Variants in FOLR2 observed in about 807,000 individuals in gnomAD.
FOLR2 encodes the protein folate receptor 2 (fetal).
FOLR2 carries 14 observed loss-of-function variants against 20.4 expected under a neutral mutation model. The ratio of observed to expected loss-of-function variants is 0.68; its 90% confidence interval spans 0.45 to 1.07. The LOEUF is 1.07. Ranked by LOEUF, FOLR2 falls within the 50% of genes least tolerant of loss-of-function variation. The probability of loss-of-function intolerance (pLI) is 0.00; values close to 1 mark genes in which losing one functional copy is unlikely to be tolerated. For missense variants in FOLR2, 269 were observed against 322.6 expected, an observed-to-expected ratio of 0.83 and a Z score of 1.27; for synonymous variants, 114 against 114.3, an observed-to-expected ratio of 1.00 and a Z score of 0.02.
chr11:72,218,807 G>A, intron 2 of FOLR2, 73 bp downstream of exon 2: 1 of 1,297,772 alleles, frequency 7.7e-7, no homozygotes, highest in South Asian at 1.3e-5. Flanking sequence ...GATGGTGGGA[G>A]AGGGATTGAG....
Position 72,221,633 on chromosome 11 carries a change from C to A in FOLR2, c.639C>A (p.Gly213=), listed in dbSNP as rs751473548. ...CIQMWFDSAQ[G]NPNEEVARFY... is the part of the protein sequence containing the mutation. ...AGATGTGGTTTGATTCAGCCCAGGG[C>A]AACCCCAACGAGGAAGTGGCGAGGT... Residue 213 remains glycine (G), a synonymous_variant, in exon 5 of 5, where the codon GGC becomes GGA. Transcript: ENST00000298223. 8.1e-6 allele frequency: 13 copies of A among 1,614,090 alleles called. No individual in the cohort carries two copies. In the East Asian group the frequency reaches 2.2e-4, roughly 28 times the overall value.
Position 72,221,067 on chromosome 11 carries a change from T to TCGGGGGGGGGCG in FOLR2, c.339+10_339+11insGGGGGGGGGCGC. On this transcript the variant is annotated intron_variant, in intron 3 of 4. Transcript: ENST00000298223. ...GGCCCTGGATCCAGCAGGTAGGGTG[T>TCGGGGGGGGGCG]CTCCCCCCCACCCACCCCAGCAGAC... The TCGGGGGGGGGCG allele has an allele frequency of 2.5e-6, 4 of 1,570,098 alleles. No individual in the cohort carries two copies. The highest frequency in any genetic ancestry group is 3.5e-6 in the Non-Finnish European group (4 of 1,154,894).
Position 72,221,880 on chromosome 11 carries a change from C to A in FOLR2, c.*118C>A, listed in dbSNP as rs2135405666. ...TATTAGTCACCTAACCCTCTGTCAC[C>A]CAGTCTGTTGCTGCTCCATGGTGGG... On this transcript the variant is annotated 3_prime_UTR_variant, in exon 5 of 5. Transcript: ENST00000298223. The A allele has an allele frequency of 1.1e-6, 1 of 935,902 alleles. No individual in the cohort carries two copies. The highest frequency in any genetic ancestry group is 1.6e-6 in the Non-Finnish European group (1 of 629,510). 58.0% of individuals were successfully genotyped at this position (935,902 alleles called of 1,614,324 possible). A position where few individuals can be genotyped will look rare whatever the true frequency, so the allele number is the denominator to read the frequency against.
In FOLR2 at chr11:72,221,258, A is replaced by T. The variant is rs1386887147; in HGVS notation, c.422A>T (p.His141Leu). ...EDCQRWWEDC[H>L]TSHTCKSNWH... ...TGTCAGCGCTGGTGGGAGGATTGTCACACCTCCCACACGTGCAAGAGCAAC... is the reference window on the plus strand; with the variant it reads ...TGTCAGCGCTGGTGGGAGGATTGTCTCACCTCCCACACGTGCAAGAGCAAC... Residue 141 changes from histidine to leucine, a missense_variant, in exon 4 of 5, where the codon CAC becomes CTC. Physicochemically the swap from His to Leu is moderately conservative, Grantham distance 99 (BLOSUM62 -3). Coordinates refer to ENST00000298223, the MANE Select transcript of FOLR2 (RefSeq NM_000803.5). 6.2e-7 allele frequency: 1 copy of T among 1,613,932 alleles called. No homozygotes were observed. The highest frequency in any genetic ancestry group is 8.5e-7 in the Non-Finnish European group (1 of 1,179,892).
Position 72,221,498 on chromosome 11 carries a change from C to G in FOLR2, c.504C>G (p.Leu168=). The part of the protein sequence containing the change: ...SGVNKCPAGA[L]CRTFESYFPT... ...TTAACAAGTGCCCAGCTGGGGCTCT[C>G]TGCCGCACCTTTGAGTCCTACTTCC... Residue 168 remains leucine (L), a synonymous_variant, in exon 5 of 5, where the codon CTC becomes CTG. Coordinates refer to ENST00000298223, the MANE Select transcript of FOLR2 (RefSeq NM_000803.5). 1 of 1,613,982 alleles carries G rather than the reference C, an allele frequency of 6.2e-7. No individual in the cohort carries two copies.
At chr11:72,217,250 C>A in intron 1 of FOLR2, 2 of 642,820 alleles carry the variant, frequency 3.1e-6, no homozygotes, top group Non-Finnish European at 5.0e-6. Context: ...GTCTCGAACT[C>A]TTGACCTCAG....
At position 72,216,939 on chromosome 11, in the gene FOLR2, A is replaced by G; in HGVS notation, c.-25+14A>G. On this transcript the variant is annotated intron_variant, in intron 1 of 4. Coordinates refer to ENST00000298223, the MANE Select transcript of FOLR2 (RefSeq NM_000803.5). ...ACGGAGGTTCAGGCAAGATGCCCGAAGGAGGGAAGGGTGACAAGGGCAGTG... is the reference window on the plus strand; with the variant it reads ...ACGGAGGTTCAGGCAAGATGCCCGAGGGAGGGAAGGGTGACAAGGGCAGTG... 6.3e-7 allele frequency: 1 copy of G among 1,599,532 alleles called. No homozygotes were observed. The highest frequency in any genetic ancestry group is 8.5e-7 in the Non-Finnish European group (1 of 1,179,760).
Position 72,221,786 on chromosome 11 carries a change from C to T in FOLR2, c.*24C>T, listed in dbSNP as rs1394275002. 1 of 1,603,026 alleles carries T rather than the reference C, an allele frequency of 6.2e-7. No homozygotes were observed. Among genetic ancestry groups the T allele is most frequent in the Admixed American group, 1.7e-5 (1 of 59,390 alleles). ...GAGTTCAGTCCTCCCAGACTACCTG[C>T]CCTCAGCTTGGATAACCAGGCTGGG... On this transcript the variant is annotated 3_prime_UTR_variant, in exon 5 of 5. Coordinates refer to ENST00000298223, the MANE Select transcript of FOLR2 (RefSeq NM_000803.5).
chr11:72,218,461 A>G (rs1948428596), intron 1 of FOLR2, 100 bp from the exon 2 acceptor site: 3 of 1,042,742 alleles, frequency 2.9e-6, no homozygotes, highest in Admixed American at 4.2e-5. Flanking sequence ...ACAGGGTCTG[A>G]CCTCATTTGC....
chr11:72,221,370 T>C (rs2298444), intron 4 of FOLR2, 59 bp downstream of exon 4: 339,628 of 1,600,206 alleles, frequency 0.21, 40,465 homozygotes, highest in African/African-American at 0.44. Context: ...TTGGAAAATC[T>C]TCAAGGATTT....
In FOLR2 at chr11:72,221,871, C is replaced by A; in HGVS notation, c.*109C>A. ...GCATGCTTCTATTAGTCACCTAACCCTCTGTCACCCAGTCTGTTGCTGCTC... is the reference window on the plus strand; with the variant it reads ...GCATGCTTCTATTAGTCACCTAACCATCTGTCACCCAGTCTGTTGCTGCTC... On this transcript the variant is annotated 3_prime_UTR_variant, in exon 5 of 5. Transcript: ENST00000298223. The A allele has an allele frequency of 9.9e-7, 1 of 1,011,934 alleles. No homozygotes were observed. Among genetic ancestry groups the A allele is most frequent in the Non-Finnish European group, 1.4e-6 (1 of 695,096 alleles). 62.7% of individuals were successfully genotyped at this position (1,011,934 alleles called of 1,614,324 possible).
intron 2 of FOLR2, among the ~76,000 whole-genome samples, 156 bp downstream of exon 2, chr11:72,218,890 G>A (rs559502215): frequency 2.6e-5 from 4 of 152,314 alleles, no homozygotes; most frequent in African/African-American, 9.6e-5. Flanking sequence ...AGTGGCTGAG[G>A]TGATTTTAGG....
chr11:72,216,918 A>T lies in FOLR2; in HGVS notation c.-32A>T. 6.3e-7 allele frequency: 1 copy of T among 1,599,554 alleles called. No homozygotes were observed. The highest frequency in any genetic ancestry group is 2.2e-5 in the East Asian group (1 of 44,884). On this transcript the variant is annotated 5_prime_UTR_variant, in exon 1 of 5. Transcript: ENST00000298223. Reference sequence around the variant, plus strand: ...CCGTGTATGCTCCCAGCAGCAACGGAGGTTCAGGCAAGATGCCCGAAGGAG... The same window carrying T: ...CCGTGTATGCTCCCAGCAGCAACGGTGGTTCAGGCAAGATGCCCGAAGGAG...
rs771833528 is a variant in FOLR2 at position 72,221,297 on chromosome 11, G to A, written c.461G>A (p.Trp154Ter). 1.1e-5 allele frequency: 17 copies of A among 1,613,850 alleles called. No homozygotes were observed. Among genetic ancestry groups the A allele is most frequent in the African/African-American group, 6.7e-5 (5 of 74,940 alleles). The change falls in exon 4 of 5, where the codon TGG becomes TAG. Residue 154 changes from tryptophan (W) to a stop codon, truncating the protein, a stop_gained. Transcript: ENST00000298223. LOFTEE classifies it low-confidence loss of function (END_TRUNC). ...TGCAAGAGCAACTGGCACAGAGGATGGGACTGGACCTCAGGTGAGGGTGAT... is the reference window on the plus strand; with the variant it reads ...TGCAAGAGCAACTGGCACAGAGGATAGGACTGGACCTCAGGTGAGGGTGAT... ...HTCKSNWHRG[W>*]DWTSGVNKCP... is the part of the protein sequence containing the mutation.
rs781736761 is a variant in FOLR2 at position 72,220,979 on chromosome 11, AGCCCGCCT to A, written c.263_270del (p.Pro88GlnfsTer12). 8.1e-6 allele frequency: 13 copies of A among 1,613,978 alleles called. 1 individual carries two copies. Among genetic ancestry groups the A allele is most frequent in the Non-Finnish European group, 8.5e-7 (1 of 1,179,888 alleles). ...AACTGGGACCACTGCGGCAAGATGGAGCCCGCCTGCAAGCGCCACTTCATCCAGGACAC... is the reference window on the plus strand; with the variant it reads ...AACTGGGACCACTGCGGCAAGATGGAGCAAGCGCCACTTCATCCAGGACAC... On this transcript the variant is annotated frameshift_variant, in exon 3 of 5. Coordinates refer to ENST00000298223, the MANE Select transcript of FOLR2 (RefSeq NM_000803.5). LOFTEE classifies it high-confidence loss of function.
intron 2 of FOLR2, among the ~76,000 whole-genome samples, chr11:72,219,093 A>G (rs1341859005): frequency 6.6e-6 from 1 of 152,234 alleles, no homozygotes; most frequent in African/African-American, 2.4e-5. Flanking sequence ...GGGCCCACAC[A>G]GGAGCTGGAC....
Position 72,221,067 on chromosome 11 carries a change from T to TCGGGGGGGGGGGCGCCC in FOLR2, c.339+10_339+11insGGGGGGGGGGGCGCCCC. On this transcript the variant is annotated intron_variant, in intron 3 of 4. Coordinates refer to ENST00000298223, the MANE Select transcript of FOLR2 (RefSeq NM_000803.5). ...GGCCCTGGATCCAGCAGGTAGGGTGTCTCCCCCCCACCCACCCCAGCAGAC... is the reference window on the plus strand; with the variant it reads ...GGCCCTGGATCCAGCAGGTAGGGTGTCGGGGGGGGGGGCGCCCCTCCCCCCCACCCACCCCAGCAGAC... 1 of 1,570,114 alleles carries TCGGGGGGGGGGGCGCCC rather than the reference T, an allele frequency of 6.4e-7. No individual in the cohort carries two copies. The highest frequency in any genetic ancestry group is 8.7e-7 in the Non-Finnish European group (1 of 1,154,910).
chr11:72,218,856 A>G (rs1051146353), intron 2 of FOLR2, 122 bp downstream of exon 2: 38 of 825,126 alleles, frequency 4.6e-5, no homozygotes, highest in Non-Finnish European at 7.3e-5. Flanking sequence ...TTCCTGTGGG[A>G]GAAGATGAAG....
chr11:72,220,797 T>A, intron 2 of FOLR2, 73 bp from the exon 3 acceptor site: 2 of 1,586,050 alleles, frequency 1.3e-6, no homozygotes, highest in South Asian at 1.1e-5. Context: ...AAGAACCAAA[T>A]GGGGGAGAGA....
Sources: gnomAD v4.1 joint callset for allele counts (sites outside exome capture counted in the v4.1 genomes callset) on GRCh38, gnomAD v4.1.1 for gene constraint, MANE v1.5 for transcripts, NCBI Gene and HGNC (gene_info 2026-07-23, HGNC 2026-07-21) for gene names.